BRD4: variants seen among roughly 807,000 people sequenced by gnomAD.
BRD4 encodes bromodomain-containing protein 4.
BRD4 carries 16 observed loss-of-function variants against 142.1 expected under a neutral mutation model. That is an observed-to-expected ratio of 0.11 (90% CI 0.08 to 0.17). BRD4 has a LOEUF of 0.17. Among genes scored for constraint, BRD4 ranks in the 10% least tolerant of loss-of-function variants. BRD4 has a pLI of 1.00. For missense variants in BRD4, 1,424 were observed against 1,810.9 expected (o/e 0.79, Z 3.88); for synonymous variants, 833 against 707.5 (o/e 1.18, Z -2.82).
At chr19:15,253,708 C>A (rs766463359) in intron 11 of BRD4, 1 of 1,598,454 alleles carries the variant, frequency 6.3e-7, no homozygotes, top group East Asian at 2.2e-5. Flanking sequence ...AAGCATCTCC[C>A]TGAAGCGGCC....
chr19:15,265,267 C>A, intron 5 of BRD4, 87 bp downstream of exon 5: 1 of 1,286,602 alleles, frequency 7.8e-7, no homozygotes, highest in African/African-American at 1.5e-5. Flanking sequence ...TGCCCGGGAC[C>A]CAGGACAGGC....
intron 1 of BRD4, among the ~76,000 whole-genome samples, chr19:15,305,462 G>A (rs2047905876): frequency 6.6e-6 from 1 of 152,112 alleles, no homozygotes; most frequent in South Asian, 2.1e-4. Flanking sequence ...AGAGGTCTTG[G>A]GTGACAAGGT....
intron 13 of BRD4, 103 bp downstream of exon 13, chr19:15,244,128 C>T (rs2145514850): frequency 2.0e-6 from 3 of 1,528,620 alleles, no homozygotes; most frequent in Non-Finnish European, 2.6e-6. Context: ...GAGACCAGAG[C>T]AGCTGAGGCT....
chr19:15,322,876 A>C (rs959097114), intron 1 of BRD4, among the ~76,000 whole-genome samples: 3 of 146,884 alleles, frequency 2.0e-5, no homozygotes, highest in African/African-American at 7.6e-5. Context: ...CCAAAAAAAA[A>C]AAAAAAAAGA....
chr19:15,253,465 G>A (rs775130926), intron 11 of BRD4: 23 of 1,293,818 alleles, frequency 1.8e-5, no homozygotes, highest in Non-Finnish European at 2.4e-5. Flanking sequence ...AGGGTCCAAC[G>A]TGCAGACCCA....
chr19:15,268,487 A>G (rs1052068640), intron 3 of BRD4, among the ~76,000 whole-genome samples: 3 of 107,156 alleles, frequency 2.8e-5, no homozygotes, highest in African/African-American at 1.1e-4. Context: ...ACCCTCTCTC[A>G]CGTGGAGGTC....
chr19:15,253,203 TG>T, intron 11 of BRD4: 5 of 348,948 alleles, frequency 1.4e-5, no homozygotes, highest in Non-Finnish European at 2.6e-5. Flanking sequence ...GCAACCCCGT[TG>T]GCCGTAAACA....
At chr19:15,279,644 G>A (rs1182280995) in intron 1 of BRD4, among the ~76,000 whole-genome samples, 5 of 152,178 alleles carry the variant, frequency 3.3e-5, no homozygotes, top group Non-Finnish European at 7.3e-5. Flanking sequence ...TGCAGGGCAG[G>A]CTTAGTTCTG....
At position 15,235,560 on chromosome 19, in the gene BRD4, A is replaced by T. The variant is rs548935778; in HGVS notation, c.*2817T>A. The T allele has an allele frequency of 4.6e-4, 68 of 147,096 alleles. 2 individuals carry two copies. The highest frequency in any genetic ancestry group is 1.5e-3 in the African/African-American group (60 of 39,986). 9.1% of individuals were successfully genotyped at this position (147,096 alleles called of 1,614,324 possible). A position where few individuals can be genotyped will look rare whatever the true frequency, so the allele number is the denominator to read the frequency against. Reference sequence around the variant, plus strand: ...ACAAATGTTTATTTTTGCAATGAGAACTGCACAAAAAAAAAAAAAAACCTT... The same window carrying T: ...ACAAATGTTTATTTTTGCAATGAGATCTGCACAAAAAAAAAAAAAAACCTT... On this transcript the variant is annotated 3_prime_UTR_variant, in exon 20 of 20. Coordinates refer to ENST00000679869, the MANE Select transcript of BRD4 (RefSeq NM_001379291.1).
At chr19:15,263,618 A>G (rs2047498678) in intron 6 of BRD4, 70 bp from the exon 7 acceptor site, 1 of 1,591,294 alleles carries the variant, frequency 6.3e-7, no homozygotes, top group Admixed American at 1.7e-5. Flanking sequence ...CTGGCAGCAG[A>G]CGAAAGGGAT....
At chr19:15,245,003 C>G in intron 11 of BRD4, 1 of 693,744 alleles carries the variant, frequency 1.4e-6, no homozygotes, top group South Asian at 1.9e-5. Context: ...AAAAGCCTCC[C>G]CTGCCAAGCT....
At chr19:15,262,397 C>A (rs947792416) in intron 7 of BRD4, among the ~76,000 whole-genome samples, 2 of 151,842 alleles carry the variant, frequency 1.3e-5, no homozygotes, top group Non-Finnish European at 2.9e-5. Flanking sequence ...CATTTATCTA[C>A]AGTCTTAAAG....
chr19:15,292,777 C>CAAAAAAAAAA (rs57341445), intron 1 of BRD4, among the ~76,000 whole-genome samples: 49 of 57,250 alleles, frequency 8.6e-4, no homozygotes, highest in Admixed American at 1.8e-3. Flanking sequence ...GACTCCGTCT[C>CAAAAAAAAAA]AAAAAAAAAA....
chr19:15,246,662 G>A (rs2047289619), intron 11 of BRD4: 1 of 152,152 alleles, frequency 6.6e-6, no homozygotes, highest in African/African-American at 2.4e-5. Flanking sequence ...ACAGCCTGCA[G>A]GCTGTGAGCA....
At chr19:15,256,002 C>T (rs538092251) in intron 9 of BRD4, 62 bp downstream of exon 9, 3 of 1,589,190 alleles carry the variant, frequency 1.9e-6, no homozygotes, top group African/African-American at 2.7e-5. Context: ...GTGGCCCACA[C>T]AGTCTCAGAG....
In BRD4 at chr19:15,238,924, C is replaced by T. The variant is rs1481342247; in HGVS notation, c.3839G>A (p.Arg1280His). ...CTGCTGCTGCTGCTCCTGGCGCCGACGTGCCTCCTCATGGGCCCGCCGGGC... is the reference window on the plus strand; with the variant it reads ...CTGCTGCTGCTGCTCCTGGCGCCGATGTGCCTCCTCATGGGCCCGCCGGGC... The part of the protein sequence containing the change: ...EQARRAHEEA[R>H]RRQEQQQQQR... Residue 1280 changes from arginine to histidine, a missense_variant, in exon 19 of 20, where the codon CGT (arginine) becomes CAT (histidine). Arg to His is a conservative substitution (Grantham distance 29). Coordinates refer to ENST00000679869, the MANE Select transcript of BRD4 (RefSeq NM_001379291.1). This position sits in a 1 kb window ranked among gnomAD's most constrained non-coding sequence, Gnocchi z 7.2. 6.3e-7 allele frequency: 1 copy of T among 1,598,174 alleles called. No individual in the cohort carries two copies. The highest frequency in any genetic ancestry group is 1.7e-4 in the Middle Eastern group (1 of 5,924).
intron 11 of BRD4, among the ~76,000 whole-genome samples, chr19:15,249,958 G>A (rs748546988): frequency 9.2e-5 from 14 of 152,152 alleles, no homozygotes; most frequent in Non-Finnish European, 1.9e-4. Flanking sequence ...ACAGGCTAAG[G>A]AATAAAGTCT....
chr19:15,253,679 CA>C (rs780038967), intron 11 of BRD4: 7 of 1,598,436 alleles, frequency 4.4e-6, no homozygotes, highest in Non-Finnish European at 5.9e-6. Flanking sequence ...GTCTGCTCCA[CA>C]TCCACCAGAA....
intron 1 of BRD4, among the ~76,000 whole-genome samples, chr19:15,316,893 T>C (rs1441235878): frequency 3.0e-4 from 46 of 152,202 alleles, no homozygotes; most frequent in Admixed American, 2.6e-3. Context: ...GCTGTCCTCA[T>C]TGAAGAACCA....
Sources: allele counts gnomAD v4.1 joint callset (sites outside exome capture counted in the v4.1 genomes callset), GRCh38; gene constraint gnomAD v4.1.1; non-coding constraint Gnocchi (gnomAD v3.1); transcripts MANE v1.5; gene names NCBI Gene and HGNC (gene_info 2026-07-23, HGNC 2026-07-21).